The following SORBS2 variants were observed in gnomAD, a reference collection of about 807,000 sequenced individuals.
The protein encoded by SORBS2 is sorbin and SH3 domain containing 2.
Under a neutral mutation model 97.7 loss-of-function variants are expected in SORBS2, and 46 were observed. That is an observed-to-expected ratio of 0.47 (90% CI 0.37 to 0.60). SORBS2 has a LOEUF of 0.60. Among genes scored for constraint, SORBS2 ranks in the 20% least tolerant of loss-of-function variants. The pLI is 0.00. For missense variants in SORBS2, 1,316 were observed against 1,282.3 expected, an observed-to-expected ratio of 1.03 and a Z score of -0.40; for synonymous variants, 476 against 473.4, an observed-to-expected ratio of 1.01 and a Z score of -0.07.
At chr4:185,859,016 T>C (rs1248148118) in intron 1 of SORBS2, among the ~76,000 whole-genome samples, 1 of 152,126 alleles carries the variant, frequency 6.6e-6, no homozygotes, top group Non-Finnish European at 1.5e-5. Flanking sequence ...ATATAATGAG[T>C]ATATACAAGG....
rs760895429 is a variant in SORBS2 at position 185,624,515 on chromosome 4, G to A, written c.635-21C>T. 4.5e-6 allele frequency: 7 copies of A among 1,571,114 alleles called. No individual in the cohort carries two copies. The Admixed American group carries it at 9.0e-5, about 20-fold the overall frequency. ...CCCACCTTTTAATCCAGAGCAGCGTGGTAGAAGAGAGACATTTGGAGAAGT... is the reference window on the plus strand; with the variant it reads ...CCCACCTTTTAATCCAGAGCAGCGTAGTAGAAGAGAGACATTTGGAGAAGT... On this transcript the variant is annotated intron_variant, in intron 6 of 14. Coordinates refer to ENST00000418609, the Ensembl canonical transcript of SORBS2.
chr4:185,890,590 C>T (rs189258593), intron 1 of SORBS2, among the ~76,000 whole-genome samples: 191 of 152,348 alleles, frequency 1.3e-3, no homozygotes, highest in African/African-American at 4.3e-3. Context: ...CTCACCCTGA[C>T]GGCTTCATGA....
At chr4:185,660,682 T>C (rs2097501975), upstream of SORBS2, among the ~76,000 whole-genome samples, 1 of 152,170 alleles carries the variant, frequency 6.6e-6, no homozygotes. Flanking sequence ...CAATACTGAA[T>C]CAGTGCTGGG....
chr4:185,592,155 G>A (rs1043165577), intron 13 of SORBS2: 4 of 152,404 alleles, frequency 2.6e-5, no homozygotes, highest in African/African-American at 9.7e-5. Flanking sequence ...CAGACTGGAA[G>A]CCCTCTCGAT....
At chr4:185,636,370 C>T (rs1395147764) in intron 4 of SORBS2, among the ~76,000 whole-genome samples, 1 of 152,078 alleles carries the variant, frequency 6.6e-6, no homozygotes, top group Non-Finnish European at 1.5e-5. Context: ...AATAAGCTAC[C>T]TTGAGTCTAA....
chr4:185,674,176 T>G (rs969686001), intron 4 of SORBS2, among the ~76,000 whole-genome samples: 2 of 152,176 alleles, frequency 1.3e-5, no homozygotes, highest in African/African-American at 4.8e-5. Flanking sequence ...TTAATGTGGG[T>G]GTCTAAGAAA....
intron 1 of SORBS2, among the ~76,000 whole-genome samples, chr4:185,829,491 A>G (rs2099203954): frequency 6.6e-6 from 1 of 152,186 alleles, no homozygotes; most frequent in African/African-American, 2.4e-5. Flanking sequence ...GGCCAGAACA[A>G]TAGAAAGTAG....
intron 1 of SORBS2, among the ~76,000 whole-genome samples, chr4:185,836,240 G>A (rs2099208005): frequency 6.6e-6 from 1 of 152,142 alleles, no homozygotes; most frequent in African/African-American, 2.4e-5. Flanking sequence ...GAATGTGTGA[G>A]CATCATACTG....
At position 185,620,055 on chromosome 4, in the gene SORBS2, T is replaced by C; in HGVS notation, c.2304+8A>G. Reference sequence around the variant, plus strand: ...TGTGAAAGACTCCAATGCTATTAAATTAACTACCTCTTTTTCTGGAGTTCC... The same window carrying C: ...TGTGAAAGACTCCAATGCTATTAAACTAACTACCTCTTTTTCTGGAGTTCC... On this transcript the variant is annotated splice_region_variant and intron_variant, in intron 8 of 14. Coordinates refer to ENST00000418609, the Ensembl canonical transcript of SORBS2. 6.4e-7 allele frequency: 1 copy of C among 1,566,850 alleles called. No homozygotes were observed. The highest frequency in any genetic ancestry group is 8.8e-7 in the Non-Finnish European group (1 of 1,136,740).
At chr4:185,729,741 T>C (rs575330879) in intron 2 of SORBS2, among the ~76,000 whole-genome samples, 43 of 152,360 alleles carry the variant, frequency 2.8e-4, no homozygotes, top group African/African-American at 1.0e-3. Context: ...AGAATTATCA[T>C]GATCTACTTT....
intron 1 of SORBS2, among the ~76,000 whole-genome samples, chr4:185,823,041 T>TG (rs2099197735): frequency 1.3e-5 from 2 of 152,224 alleles, no homozygotes. Context: ...AGCTACTCTG[T>TG]GTTTGCCTTA....
intron 2 of SORBS2, among the ~76,000 whole-genome samples, chr4:185,685,470 G>A (rs1044545806): frequency 2.6e-5 from 4 of 152,158 alleles, no homozygotes; most frequent in African/African-American, 9.7e-5. Flanking sequence ...TAAAATAAAA[G>A]TATTGATATA....
chr4:185,696,375 C>T (rs139010776), intron 2 of SORBS2, among the ~76,000 whole-genome samples: 21 of 152,266 alleles, frequency 1.4e-4, no homozygotes, highest in South Asian at 1.2e-3. Flanking sequence ...TGATGTTATT[C>T]CAAGGTCTCA....
chr4:185,765,520 A>C (rs1424166048), intron 2 of SORBS2, among the ~76,000 whole-genome samples: 2 of 152,188 alleles, frequency 1.3e-5, no homozygotes, highest in East Asian at 1.9e-4. Context: ...AGGGGATAAA[A>C]ATCTCACTGC....
At chr4:185,841,993 C>T (rs2099211845) in intron 1 of SORBS2, among the ~76,000 whole-genome samples, 2 of 152,312 alleles carry the variant, frequency 1.3e-5, no homozygotes, top group Non-Finnish European at 2.9e-5. Context: ...ACTCCGTGCT[C>T]AGGGAGTGCT....
In SORBS2 at chr4:185,741,662, C is replaced by G. The variant is rs372156958; in HGVS notation, c.-198+33565G>C. ...TACAGGCGTGAGCCACCGCACCCGG[C>G]CTGTCCTCACTTTTTATCACATACT... is the stretch of plus-strand genomic sequence containing the variant. On this transcript the variant is annotated intron_variant, in intron 2 of 20. Coordinates refer to the SORBS2 transcript ENST00000284776. Among the ~76,000 whole-genome samples, 232 of 152,224 alleles carry G rather than the reference C, an allele frequency of 1.5e-3. 3 individuals are homozygous for G. The South Asian group carries it at 0.045, about 30-fold the overall frequency.
chr4:185,862,014 C>T lies in SORBS2; in HGVS notation c.-337-86648G>A, dbSNP rs2099224091. On this transcript the variant is annotated intron_variant, in intron 1 of 20. Transcript: ENST00000284776. The stretch of plus-strand genomic sequence containing the variant: ...GGATGAGAGATGACGGTGGCATGAA[C>T]AAGGTGCTGGGAGCAGGGAGGAGAG... 3.3e-5 allele frequency among the ~76,000 whole-genome samples: 5 copies of T among 152,186 alleles called. No homozygotes were observed. The South Asian group carries it at 1.0e-3, about 32-fold the overall frequency.
intron 1 of SORBS2, among the ~76,000 whole-genome samples, chr4:185,779,313 CT>C (rs1195767867): frequency 6.6e-6 from 1 of 152,070 alleles, no homozygotes; most frequent in Non-Finnish European, 1.5e-5. Context: ...GTAATGAGAC[CT>C]TTTTTTATTG....
At chr4:185,599,424 T>TTCAA (rs1351077767) in intron 12 of SORBS2, among the ~76,000 whole-genome samples, 6 of 152,170 alleles carry the variant, frequency 3.9e-5, no homozygotes, top group African/African-American at 1.4e-4. Context: ...GACCTTTAAG[T>TTCAA]TCAATCAGAG....
Sources: allele counts gnomAD v4.1 joint callset (sites outside exome capture counted in the v4.1 genomes callset), GRCh38; gene constraint gnomAD v4.1.1; transcripts MANE v1.5; gene names NCBI Gene and HGNC (gene_info 2026-07-23, HGNC 2026-07-21).